OR6N1: variants seen among roughly 807,000 people sequenced by gnomAD.
OR6N1 encodes the protein olfactory receptor family 6 subfamily N member 1, also known as olfactory receptor 6N1.
For missense variants in OR6N1, 394 were observed against 371.7 expected (o/e 1.06, Z -0.49); for synonymous variants, 170 against 150.7 (o/e 1.13, Z -0.94).
At chr1:158,835,764 C>T in the OR6N1 span, among the ~76,000 whole-genome samples, 61 of 151,850 alleles carry the variant, frequency 4.0e-4, no homozygotes, top group Non-Finnish European at 6.8e-4. Flanking sequence ...ATGGTGTTTT[C>T]GTATGTAGAC....
the OR6N1 span, among the ~76,000 whole-genome samples, chr1:158,792,849 C>A: frequency 6.6e-6 from 1 of 152,154 alleles, no homozygotes; most frequent in Admixed American, 6.6e-5. Context: ...GGAAGTTTTC[C>A]TCAACAATTA....
At chr1:158,828,298 A>G in the OR6N1 span, among the ~76,000 whole-genome samples, 1 of 152,216 alleles carries the variant, frequency 6.6e-6, no homozygotes, top group African/African-American at 2.4e-5. Context: ...AGACAAGGCA[A>G]GTCCCTTCCA....
At chr1:158,791,684 G>A in the OR6N1 span, among the ~76,000 whole-genome samples, 2 of 151,990 alleles carry the variant, frequency 1.3e-5, no homozygotes, top group Non-Finnish European at 2.9e-5. Context: ...TTGCCAGGAT[G>A]GTCTCGATCT....
chr1:158,780,535 C>T, the OR6N1 span, among the ~76,000 whole-genome samples: 12 of 152,270 alleles, frequency 7.9e-5, no homozygotes, highest in South Asian at 1.4e-3. Flanking sequence ...AAGCTGAAAA[C>T]GCATGTAATA....
At chr1:158,803,212 G>A in the OR6N1 span, among the ~76,000 whole-genome samples, 10 of 152,128 alleles carry the variant, frequency 6.6e-5, no homozygotes, top group African/African-American at 2.4e-4. Flanking sequence ...GAAAGTTTCT[G>A]AGCCAAAGGA....
intron 1 of OR6N1, among the ~76,000 whole-genome samples, chr1:158,770,704 T>A (rs1255894485): frequency 6.6e-6 from 1 of 152,202 alleles, no homozygotes; most frequent in Non-Finnish European, 1.5e-5. Context: ...GGATAAATCA[T>A]GTGTATCAAA....
the OR6N1 span, among the ~76,000 whole-genome samples, chr1:158,784,688 C>G: frequency 6.7e-4 from 102 of 152,212 alleles, no homozygotes; most frequent in African/African-American, 2.4e-3. Flanking sequence ...CTTTCTATAC[C>G]TGGCTTATTT....
At chr1:158,777,461 T>C in the OR6N1 span, 5 of 1,614,208 alleles carry the variant, frequency 3.1e-6, no homozygotes, top group East Asian at 2.2e-5. Flanking sequence ...AAGTGGTACA[T>C]AGGTGTGTGC....
At chr1:158,774,371 A>G (rs748326908), upstream of OR6N1, 3 of 152,230 alleles carry the variant, frequency 2.0e-5, no homozygotes, top group Non-Finnish European at 4.4e-5. Flanking sequence ...CAACAAATCA[A>G]GAAAAGCAGA....
chr1:158,813,918 T>C, the OR6N1 span, among the ~76,000 whole-genome samples: 3 of 152,064 alleles, frequency 2.0e-5, no homozygotes, highest in African/African-American at 7.2e-5. Flanking sequence ...CAGGCTGGTC[T>C]CGAATTCCTG....
rs539178685 is a variant in OR6N1 at position 158,769,455 on chromosome 1, T to G, written c.-19+2566A>C. Among the ~76,000 whole-genome samples the G allele has an allele frequency of 8.5e-5, 13 of 152,308 alleles. No individual in the cohort carries two copies. In the South Asian group the frequency reaches 2.5e-3, roughly 29 times the overall value. ...CTGGGATTACAGGCATAAGTCACCA[T>G]GCTTTGCCAGAAGATATAATTTTTA... On this transcript the variant is annotated intron_variant, in intron 1 of 1. Transcript: ENST00000641846.
chr1:158,775,947 G>T (rs1657582293), upstream of OR6N1: 1 of 152,186 alleles, frequency 6.6e-6, no homozygotes, highest in Non-Finnish European at 1.5e-5. Flanking sequence ...TGATAAGTAG[G>T]AAGTTGAATA....
rs139995313 is a variant in OR6N1 at position 158,767,608 on chromosome 1, A to G, written c.-18-908T>C. ...CTGATGTTAACAAACTAATATTGTAATACAGAGTATAGAGAAACAACTAAC... is the reference window on the plus strand; with the variant it reads ...CTGATGTTAACAAACTAATATTGTAGTACAGAGTATAGAGAAACAACTAAC... On this transcript the variant is annotated intron_variant, in intron 1 of 1. Transcript: ENST00000641846. Among the ~76,000 whole-genome samples, 149 of 152,364 alleles carry G rather than the reference A, an allele frequency of 9.8e-4. 3 individuals are homozygous for G. In the East Asian group the frequency reaches 0.017, roughly 18 times the overall value.
At chr1:158,775,297 G>A (rs1284072060), upstream of OR6N1, 2 of 152,110 alleles carry the variant, frequency 1.3e-5, no homozygotes, top group African/African-American at 2.4e-5. Flanking sequence ...ACAATTAGGA[G>A]GAGTGAACCA....
At chr1:158,826,720 G>T in the OR6N1 span, among the ~76,000 whole-genome samples, 2 of 152,184 alleles carry the variant, frequency 1.3e-5, no homozygotes, top group Non-Finnish European at 2.9e-5. Flanking sequence ...ATCATTTGAA[G>T]AAAATGTGGA....
At chr1:158,796,364 G>A in the OR6N1 span, among the ~76,000 whole-genome samples, 12 of 152,126 alleles carry the variant, frequency 7.9e-5, no homozygotes, top group Non-Finnish European at 4.4e-5. Context: ...TTTTAGATTT[G>A]CTCCTCTGAG....
the OR6N1 span, among the ~76,000 whole-genome samples, chr1:158,806,447 T>C: frequency 1.3e-5 from 2 of 152,218 alleles, no homozygotes; most frequent in Admixed American, 6.5e-5. Context: ...GATTAATATT[T>C]ACATGCTTAA....
chr1:158,825,557 A>G, the OR6N1 span, among the ~76,000 whole-genome samples: 2 of 152,340 alleles, frequency 1.3e-5, no homozygotes, highest in Non-Finnish European at 2.9e-5. Flanking sequence ...GAGAAATGCA[A>G]GTCAAAACAA....
the OR6N1 span, among the ~76,000 whole-genome samples, chr1:158,779,928 T>G: frequency 2.0e-5 from 3 of 152,348 alleles, no homozygotes; most frequent in Admixed American, 2.0e-4. Flanking sequence ...TGAGAGCAAA[T>G]GTAGTACTTC....
Sources: gnomAD v4.1 joint callset for allele counts (sites outside exome capture counted in the v4.1 genomes callset) on GRCh38, gnomAD v4.1.1 for gene constraint, MANE v1.5 for transcripts, NCBI Gene and HGNC (gene_info 2026-07-23, HGNC 2026-07-21) for gene names.